Variants in PSD2 observed in about 807,000 individuals in gnomAD.
The protein encoded by PSD2 is PH and SEC7 domain-containing protein 2.
PSD2 carries 38 observed loss-of-function variants against 69.8 expected under a neutral mutation model. That is an observed-to-expected ratio of 0.54 (90% CI 0.42 to 0.71). The LOEUF (loss-of-function observed/expected upper bound fraction) is 0.71. Among genes scored for constraint, PSD2 ranks in the 30% least tolerant of loss-of-function variants. The probability of loss-of-function intolerance (pLI) is 0.00; values close to 1 mark genes in which losing one functional copy is unlikely to be tolerated. For missense variants in PSD2, 943 were observed against 1,014.5 expected, an observed-to-expected ratio of 0.93 and a Z score of 0.96; for synonymous variants, 412 against 423.0, an observed-to-expected ratio of 0.97 and a Z score of 0.32.
chr5:139,750,455 C>T, the PSD2 span, among the ~76,000 whole-genome samples: 1 of 152,226 alleles, frequency 6.6e-6, no homozygotes, highest in African/African-American at 2.4e-5. Context: ...GGAGGGCTGC[C>T]CTCCATGCAT....
chr5:139,813,446 G>A lies in PSD2; in HGVS notation c.509G>A (p.Ser170Asn). 5 of 1,614,078 alleles carry A rather than the reference G, an allele frequency of 3.1e-6. No individual in the cohort carries two copies. Among genetic ancestry groups the A allele is most frequent in the East Asian group, 2.2e-5 (1 of 44,882 alleles). The part of the protein sequence containing the change: ...SLDGLSLTDE[S>N]DSCVSFEAPL... ...GACGGGCTGAGCCTCACGGATGAGA[G>A]CGACAGCTGCGTCAGCTTCGAGGCC... Residue 170 changes from serine to asparagine, a missense_variant, in exon 3 of 15, where the codon AGC (serine) becomes AAC (asparagine). This residue lies in a region of PSD2 where 466 missense variants were observed against 445.0 expected (regional missense o/e 1.05). Transcript: ENST00000274710.
the PSD2 span, among the ~76,000 whole-genome samples, chr5:139,789,633 A>G: frequency 1.3e-5 from 2 of 152,032 alleles, no homozygotes; most frequent in Non-Finnish European, 2.9e-5. Flanking sequence ...AACTAGGAAT[A>G]GTGGGCACTC....
chr5:139,831,719 C>G (rs1488543483), intron 7 of PSD2, among the ~76,000 whole-genome samples: 1 of 152,196 alleles, frequency 6.6e-6, no homozygotes, highest in African/African-American at 2.4e-5. Flanking sequence ...ATTTTATTCC[C>G]TGGGAAACTT....
At chr5:139,793,993 C>T (rs1310439209), upstream of PSD2, among the ~76,000 whole-genome samples, 1 of 152,152 alleles carries the variant, frequency 6.6e-6, no homozygotes, top group Admixed American at 6.5e-5. Flanking sequence ...CTCCACAGCC[C>T]CTGCTGGTCG....
At chr5:139,833,011 C>T (rs1561606395) in intron 7 of PSD2, among the ~76,000 whole-genome samples, 1 of 152,064 alleles carries the variant, frequency 6.6e-6, no homozygotes. Flanking sequence ...TAGCATGGGG[C>T]ACTTGTGTGT....
chr5:139,787,595 C>T, the PSD2 span, among the ~76,000 whole-genome samples: 3 of 152,262 alleles, frequency 2.0e-5, no homozygotes, highest in Non-Finnish European at 1.5e-5. Context: ...AGGAGTCCGC[C>T]TGGTGCCGCG....
the PSD2 span, among the ~76,000 whole-genome samples, chr5:139,750,417 C>G: frequency 4.6e-5 from 7 of 152,322 alleles, no homozygotes; most frequent in African/African-American, 1.7e-4. Flanking sequence ...ATTCCTGTTG[C>G]TCCCTCTCCT....
chr5:139,844,315 ATGTT>A lies in PSD2; in HGVS notation c.*1843_*1846del. On this transcript the variant is annotated 3_prime_UTR_variant, in exon 15 of 15. Transcript: ENST00000274710. ...GGTTGTGCCTCCCATCAGTAAAAAA[ATGTT>A]TAGTTCACTTCCTTAATTGTATAAT... is the stretch of plus-strand genomic sequence containing the variant. The A allele has an allele frequency of 6.6e-6, 1 of 152,348 alleles. No homozygotes were observed. The allele number at this position is 152,348 out of a possible 1,614,324, so 9.4% of individuals were successfully genotyped here. A position where few individuals can be genotyped will look rare whatever the true frequency, so the allele number is the denominator to read the frequency against.
chr5:139,830,639 T>TCTTC (rs1274034377), intron 7 of PSD2, among the ~76,000 whole-genome samples: 1 of 142,526 alleles, frequency 7.0e-6, no homozygotes, highest in Admixed American at 7.0e-5. Flanking sequence ...TTTCTTTCTT[T>TCTTC]CTTTCTTTCT....
the PSD2 span, among the ~76,000 whole-genome samples, chr5:139,774,694 G>T: frequency 6.6e-6 from 1 of 152,232 alleles, no homozygotes; most frequent in South Asian, 2.1e-4. Flanking sequence ...GTTTCACCAT[G>T]TTGGTCAGGC....
intron 1 of PSD2, among the ~76,000 whole-genome samples, chr5:139,801,416 AC>A (rs1403732143): frequency 3.3e-5 from 5 of 152,172 alleles, no homozygotes; most frequent in African/African-American, 1.2e-4. Context: ...AGCATTTGAC[AC>A]ATCCAGTCTT....
rs760308822 is a variant in PSD2, at chr5:139,837,751, G to A, written c.1792G>A (p.Ala598Thr). Residue 598 changes from alanine to threonine, a missense_variant, in exon 12 of 15, where the codon GCC (alanine) becomes ACC (threonine). Coordinates refer to ENST00000274710, the MANE Select transcript of PSD2 (RefSeq NM_032289.4). The surrounding 1 kb of genome is among the most constrained non-coding windows in gnomAD (Gnocchi z 5.0). ...KKSNVLKLKT[A>T]DWRVFLFQAP... ...GTCCAACGTGCTGAAGCTTAAGACA[G>A]CCGACTGGAGGGTATTCCTCTTCCA... 53 of 1,613,194 alleles carry A rather than the reference G, an allele frequency of 3.3e-5. No homozygotes were observed. The highest frequency in any genetic ancestry group is 5.3e-5 in the African/African-American group (4 of 74,920).
chr5:139,820,348 G>A (rs1760226890), intron 5 of PSD2, among the ~76,000 whole-genome samples: 1 of 140,776 alleles, frequency 7.1e-6, no homozygotes, highest in Non-Finnish European at 1.5e-5. Flanking sequence ...CAGGCTGGGG[G>A]ACAGATGGGA....
At chr5:139,811,885 G>T (rs912682658) in intron 2 of PSD2, among the ~76,000 whole-genome samples, 2 of 152,038 alleles carry the variant, frequency 1.3e-5, no homozygotes, top group Non-Finnish European at 2.9e-5. Context: ...GAGCCACCGC[G>T]CCTGGCCGTC....
At chr5:139,800,034 A>C (rs1759629617) in intron 1 of PSD2, among the ~76,000 whole-genome samples, 1 of 152,198 alleles carries the variant, frequency 6.6e-6, no homozygotes, top group East Asian at 1.9e-4. Context: ...GAAGAGCCAC[A>C]CATAGCCCAC....
chr5:139,817,603 G>C (rs369670477), intron 5 of PSD2, 42 bp downstream of exon 5: 1 of 1,489,800 alleles, frequency 6.7e-7, no homozygotes, highest in African/African-American at 1.4e-5. Context: ...AGTGGTACAG[G>C]CTGCACTTCT....
upstream of PSD2, among the ~76,000 whole-genome samples, chr5:139,791,231 A>G (rs1417125001): frequency 6.6e-6 from 1 of 151,986 alleles, no homozygotes; most frequent in African/African-American, 2.4e-5. Flanking sequence ...GGAAGTCAAG[A>G]CCAGCCTGGG....
the PSD2 span, among the ~76,000 whole-genome samples, chr5:139,781,077 T>C: frequency 6.6e-6 from 1 of 152,094 alleles, no homozygotes; most frequent in Non-Finnish European, 1.5e-5. Flanking sequence ...CATCTTCCAG[T>C]CTCCAAAAAC....
chr5:139,812,188 AC>A (rs984772853), intron 2 of PSD2, among the ~76,000 whole-genome samples: 1 of 152,122 alleles, frequency 6.6e-6, no homozygotes, highest in African/African-American at 2.4e-5. Context: ...AACAATAAAT[AC>A]TTATATAGTG....
Sources: gnomAD v4.1 joint callset for allele counts (sites outside exome capture counted in the v4.1 genomes callset) on GRCh38, gnomAD v4.1.1 for gene constraint, gnomAD v4.1.1 regional missense constraint, Gnocchi (gnomAD v3.1) non-coding constraint, MANE v1.5 for transcripts, NCBI Gene and HGNC (gene_info 2026-07-23, HGNC 2026-07-21) for gene names.